The following RGS5 variants were observed in gnomAD, a reference collection of about 807,000 sequenced individuals.
RGS5 encodes the protein regulator of G-protein signalling 5.
Under a neutral mutation model 18.9 loss-of-function variants are expected in RGS5, and 20 were observed. The ratio of observed to expected loss-of-function variants is 1.06; its 90% CI spans 0.74 to 1.54. The LOEUF (loss-of-function observed/expected upper bound fraction) is 1.54, where lower values mean the gene tolerates loss of function less well. Among genes scored for constraint, RGS5 ranks in the 40% most tolerant of loss-of-function variants. The probability of loss-of-function intolerance (pLI) is 0.00; values close to 1 mark genes in which losing one functional copy is unlikely to be tolerated. For synonymous variants in RGS5, 57 were observed against 76.2 expected, an observed-to-expected ratio of 0.75 and a Z score of 1.31; for missense variants, 201 against 211.8, an observed-to-expected ratio of 0.95 and a Z score of 0.32.
chr1:163,162,795 T>G (rs1170858553), intron 2 of RGS5: 3 of 152,248 alleles, frequency 2.0e-5, no homozygotes, highest in Admixed American at 6.5e-5. Context: ...GCAGGATGTG[T>G]CAAGTGGAGC....
In RGS5 at chr1:163,143,716, C is replaced by G. The variant is rs548657331; in HGVS notation, c.*3626G>C. 1 of 152,140 alleles carries G rather than the reference C, an allele frequency of 6.6e-6. No homozygotes were observed. Among genetic ancestry groups the G allele is most frequent in the East Asian group, 1.9e-4 (1 of 5,194 alleles). 9.4% of individuals were successfully genotyped at this position (152,140 alleles called of 1,614,324 possible). A position where few individuals can be genotyped will look rare whatever the true frequency, so the allele number is the denominator to read the frequency against. ...AACTCCCAGGAAAAAGGGAAAATGG[C>G]CTGCTAGGGAGAACAGTTTCAATAA... On this transcript the variant is annotated 3_prime_UTR_variant, in exon 5 of 5. Transcript: ENST00000313961.
chr1:163,252,482 C>CT (rs778360532), intron 2 of RGS5, among the ~76,000 whole-genome samples: 31 of 152,074 alleles, frequency 2.0e-4, no homozygotes, highest in Non-Finnish European at 4.0e-4. Context: ...AAGATTATCT[C>CT]TTTTTTTGGT....
intron 2 of RGS5, among the ~76,000 whole-genome samples, chr1:163,283,149 A>C (rs912513776): frequency 6.6e-6 from 1 of 152,070 alleles, no homozygotes; most frequent in Non-Finnish European, 1.5e-5. Flanking sequence ...GGGAGAAAGG[A>C]AAGGGGGAGG....
intron 2 of RGS5, among the ~76,000 whole-genome samples, chr1:163,254,889 A>G (rs1648227241): frequency 1.3e-5 from 2 of 151,478 alleles, no homozygotes; most frequent in Non-Finnish European, 3.0e-5. Context: ...TCCCAGCACC[A>G]TTTATTAAAT....
At chr1:163,290,013 T>G (rs1270711063) in intron 2 of RGS5, among the ~76,000 whole-genome samples, 4 of 152,188 alleles carry the variant, frequency 2.6e-5, no homozygotes, top group Non-Finnish European at 5.9e-5. Flanking sequence ...TTTTCTTTGT[T>G]GCCACATGTA....
chr1:163,223,133 C>T (rs1009634435), intron 2 of RGS5, among the ~76,000 whole-genome samples: 18 of 152,220 alleles, frequency 1.2e-4, no homozygotes, highest in Non-Finnish European at 2.4e-4. Context: ...ACATGAGCCA[C>T]TGCGCCCAGC....
intron 2 of RGS5, among the ~76,000 whole-genome samples, chr1:163,263,340 T>C (rs1648500637): frequency 6.6e-6 from 1 of 152,194 alleles, no homozygotes; most frequent in African/African-American, 2.4e-5. Context: ...ATTCTTGAAC[T>C]AGGTTCTTTT....
intron 2 of RGS5, among the ~76,000 whole-genome samples, chr1:163,305,823 T>C (rs1649682319): frequency 6.6e-6 from 1 of 152,176 alleles, no homozygotes; most frequent in Non-Finnish European, 1.5e-5. Flanking sequence ...ACTATCCTCT[T>C]AGCCAACTGT....
intron 2 of RGS5, among the ~76,000 whole-genome samples, chr1:163,296,985 C>G (rs1333566789): frequency 6.6e-6 from 1 of 152,120 alleles, no homozygotes; most frequent in African/African-American, 2.4e-5. Context: ...GAAAAGGACA[C>G]TAAATCACTA....
At chr1:163,152,377 T>C in intron 4 of RGS5, 173 bp downstream of exon 4, 1 of 596,924 alleles carries the variant, frequency 1.7e-6, no homozygotes, top group East Asian at 2.7e-5. Flanking sequence ...GGATTGTTCA[T>C]ATATACTTGA....
chr1:163,297,562 C>T (rs1222330120), intron 2 of RGS5, among the ~76,000 whole-genome samples: 2 of 152,122 alleles, frequency 1.3e-5, no homozygotes, highest in Non-Finnish European at 2.9e-5. Context: ...TTCCCTACAT[C>T]CTTCTTTCTT....
intron 3 of RGS5, among the ~76,000 whole-genome samples, chr1:163,157,708 C>T (rs1657641673): frequency 1.1e-5 from 1 of 92,264 alleles, no homozygotes; most frequent in South Asian, 5.6e-4. Context: ...ATCAAACATG[C>T]AAAAAGAGAT....
At chr1:163,274,079 C>A (rs1309879732) in intron 2 of RGS5, among the ~76,000 whole-genome samples, 1 of 152,118 alleles carries the variant, frequency 6.6e-6, no homozygotes, top group African/African-American at 2.4e-5. Flanking sequence ...TTGGTCTTGG[C>A]CCCTGGTTCC....
chr1:163,193,468 CTGTT>C (rs1164141080), intron 1 of RGS5, among the ~76,000 whole-genome samples: 2 of 109,874 alleles, frequency 1.8e-5, no homozygotes, highest in South Asian at 3.8e-4. Context: ...AATAAATACT[CTGTT>C]TGGACTTTTC....
chr1:163,295,991 A>G (rs1036691450), intron 2 of RGS5, among the ~76,000 whole-genome samples: 5 of 152,186 alleles, frequency 3.3e-5, no homozygotes, highest in Non-Finnish European at 7.3e-5. Context: ...AAAATTTATC[A>G]AGCTACAATA....
intron 1 of RGS5, among the ~76,000 whole-genome samples, chr1:163,210,571 T>C (rs562609498): frequency 3.3e-5 from 5 of 152,280 alleles, no homozygotes. Flanking sequence ...CAAACTATAG[T>C]TCTATCACTG....
Position 163,186,598 on chromosome 1 carries a change from G to A in RGS5, c.44+16194C>T, listed in dbSNP as rs112492102. Among the ~76,000 whole-genome samples, 299 of 116,588 alleles carry A rather than the reference G, an allele frequency of 2.6e-3. 2 individuals are homozygous for A. Among genetic ancestry groups the A allele is most frequent in the Middle Eastern group, 4.5e-3 (1 of 220 alleles). The allele number at this position is 116,588 out of a possible 152,430, so 76.5% of individuals were successfully genotyped here. On this transcript the variant is annotated intron_variant, in intron 1 of 4. Coordinates refer to ENST00000313961, the MANE Select transcript of RGS5 (RefSeq NM_003617.4). ...TGTCTCAAAAAAAAAAAAAAAAAAA[G>A]AAAAAGAAAAGAAAAAAAGCAAAGA...
chr1:163,254,148 T>C (rs933643806), intron 2 of RGS5, among the ~76,000 whole-genome samples: 8 of 150,420 alleles, frequency 5.3e-5, no homozygotes, highest in Admixed American at 5.3e-4. Flanking sequence ...TGATTTATAG[T>C]CCTTTGGGTA....
At chr1:163,286,070 C>G (rs1649138599) in intron 2 of RGS5, among the ~76,000 whole-genome samples, 1 of 151,590 alleles carries the variant, frequency 6.6e-6, no homozygotes, top group South Asian at 2.1e-4. Context: ...TCCTCCATAT[C>G]CATGTGTTCC....
Sources: allele counts gnomAD v4.1 joint callset (sites outside exome capture counted in the v4.1 genomes callset), GRCh38; gene constraint gnomAD v4.1.1; transcripts MANE v1.5; gene names NCBI Gene and HGNC (gene_info 2026-07-23, HGNC 2026-07-21).